ABCB8: variants seen among roughly 807,000 people sequenced by gnomAD.
The protein encoded by ABCB8 is ATP binding cassette subfamily B member 8, also known as mitochondrial potassium channel ATP-binding subunit.
ABCB8 carries 52 observed loss-of-function variants against 73.0 expected under a neutral mutation model. The ratio of observed to expected loss-of-function variants is 0.71; its 90% CI spans 0.57 to 0.90. The LOEUF (loss-of-function observed/expected upper bound fraction) is 0.90. Among genes scored for constraint, ABCB8 ranks in the 40% least tolerant of loss-of-function variants. The pLI, the probability that ABCB8 is intolerant of heterozygous loss-of-function variation, is 0.00. For synonymous variants in ABCB8, 428 were observed against 423.5 expected (o/e 1.01, Z -0.13); for missense variants, 909 against 974.6 (o/e 0.93, Z 0.90).
chr7:151,043,653 C>T (rs1234273790), intron 14 of ABCB8, among the ~76,000 whole-genome samples: 1 of 79,462 alleles, frequency 1.3e-5, no homozygotes, highest in Non-Finnish European at 2.4e-5. Flanking sequence ...GCAGGACGAG[C>T]GTACACAGTG....
intron 1 of ABCB8, chr7:151,031,184 C>T (rs1464540676): frequency 1.8e-6 from 2 of 1,096,342 alleles, no homozygotes; most frequent in Non-Finnish European, 2.7e-6. Flanking sequence ...TGCGGAACAT[C>T]TATTATGTAC....
chr7:151,030,290 C>CA (rs1331831912), intron 1 of ABCB8, among the ~76,000 whole-genome samples: 15 of 148,932 alleles, frequency 1.0e-4, no homozygotes, highest in Middle Eastern at 4.0e-3. Context: ...CCAAGGCAGG[C>CA]GATCACCTGA....
chr7:151,036,395 C>A, intron 8 of ABCB8, 149 bp from the exon 9 acceptor site: 1 of 844,430 alleles, frequency 1.2e-6, no homozygotes, highest in Non-Finnish European at 1.9e-6. Context: ...TGGAGGCGTG[C>A]CCACCCCAAC....
In ABCB8 at chr7:151,037,385, C is replaced by T. The variant is rs138778977; in HGVS notation, c.1217+736C>T. 1.2e-3 allele frequency: 817 copies of T among 700,044 alleles called. 5 individuals carry two copies. In the African/African-American group the frequency reaches 0.013, roughly 11 times the overall value. The allele number at this position is 700,044 out of a possible 1,614,324, so 43.4% of individuals were successfully genotyped here. A position where few individuals can be genotyped will look rare whatever the true frequency, so the allele number is the denominator to read the frequency against. On this transcript the variant is annotated intron_variant, in intron 9 of 15. Coordinates refer to ENST00000358849, the MANE Select transcript of ABCB8 (RefSeq NM_007188.5). Reference sequence around the variant, plus strand: ...AGGGATGACAAGCTGACCCCTGTCCCCACACACCCCACCCTTATAGCTTAT... The same window carrying T: ...AGGGATGACAAGCTGACCCCTGTCCTCACACACCCCACCCTTATAGCTTAT...
Position 151,033,644 on chromosome 7 carries a change from C to T in ABCB8, c.135C>T (p.Ala45=), listed in dbSNP as rs370794187. The T allele has an allele frequency of 1.7e-5, 27 of 1,601,588 alleles. No homozygotes were observed. The highest frequency in any genetic ancestry group is 1.7e-4 in the Middle Eastern group (1 of 6,014). Residue 45 remains alanine (A), a synonymous_variant, in exon 2 of 16, where the codon GCC becomes GCT. Transcript: ENST00000358849. The part of the protein sequence containing the change: ...DGYRSSSLLR[A]VAHLRSQLWA... ...ACCGCAGCTCCTCCCTCCTCCGGGC[C>T]GTGGCCCACCTGCGGTCCCAGCTCT...
rs1300649637 is a variant in ABCB8 at position 151,047,363 on chromosome 7, TGA to T, written c.*2018_*2019del. 3 of 152,242 alleles carry T rather than the reference TGA, an allele frequency of 2.0e-5. No homozygotes were observed. The highest frequency in any genetic ancestry group is 7.2e-5 in the African/African-American group (3 of 41,444). 9.4% of individuals were successfully genotyped at this position (152,242 alleles called of 1,614,324 possible). ...TGTGCTTGATGCTGAATGCCTGTTT[TGA>T]GAGTGTGAGTGGGATCATCTACAGT... is the stretch of plus-strand genomic sequence containing the variant. On this transcript the variant is annotated 3_prime_UTR_variant, in exon 16 of 16. Coordinates refer to ENST00000358849, the MANE Select transcript of ABCB8 (RefSeq NM_007188.5).
chr7:151,034,265 C>G lies in ABCB8; in HGVS notation c.409-8C>G, dbSNP rs781756677. 3.1e-6 allele frequency: 5 copies of G among 1,608,604 alleles called. No homozygotes were observed. The highest frequency in any genetic ancestry group is 1.3e-5 in the African/African-American group (1 of 74,822). On this transcript the variant is annotated splice_polypyrimidine_tract_variant and splice_region_variant and intron_variant, in intron 2 of 15. Coordinates refer to ENST00000358849, the MANE Select transcript of ABCB8 (RefSeq NM_007188.5). ...AAAACATTTGTGCCCTCTGTCTCCC[C>G]ATTCCAGCTGGCCTTGGGTGCGGCA...
At chr7:151,032,565 G>A (rs1294411765) in intron 1 of ABCB8, among the ~76,000 whole-genome samples, 3 of 151,980 alleles carry the variant, frequency 2.0e-5, no homozygotes, top group Admixed American at 6.6e-5. Context: ...GTGGTGGCTC[G>A]TGCCTGTAGT....
At chr7:151,039,437 C>T (rs948549388) in intron 9 of ABCB8, 3 of 152,298 alleles carry the variant, frequency 2.0e-5, no homozygotes, top group African/African-American at 7.2e-5. Flanking sequence ...TCAGTCTTTC[C>T]TCTTACTTAG....
Position 151,045,346 on chromosome 7 carries a change from C to G in ABCB8, c.2154C>G (p.Ser718=). The change falls in exon 16 of 16, where the codon TCC becomes TCG. Residue 718 remains serine (S), a synonymous_variant. Transcript: ENST00000358849. ...PEGPRSHQHK[S] ...GCCCCAGGAGCCACCAGCACAAGTC[C>G]TGAGAAGGGCCCCCTGAGGTGTGGT... The G allele has an allele frequency of 1.3e-6, 2 of 1,561,118 alleles. No homozygotes were observed. The highest frequency in any genetic ancestry group is 1.7e-6 in the Non-Finnish European group (2 of 1,152,422).
intron 14 of ABCB8, among the ~76,000 whole-genome samples, chr7:151,042,458 C>T (rs972505665): frequency 6.6e-6 from 1 of 152,224 alleles, no homozygotes; most frequent in Non-Finnish European, 1.5e-5. Flanking sequence ...GCCGCCACTT[C>T]CCCAGACTGA....
chr7:151,035,744 T>C lies in ABCB8; in HGVS notation c.927+2T>C, dbSNP rs751849010. ...TTGTCTCGCCAGTGTCAGGAGCAGG[T>C]ACCGGCATTCCTGGCCATCCTCTTC... On this transcript the variant is annotated splice_donor_variant, in intron 6 of 15. Transcript: ENST00000358849. LOFTEE classifies it high-confidence loss of function. 2 of 1,612,598 alleles carry C rather than the reference T, an allele frequency of 1.2e-6. No individual in the cohort carries two copies. Among genetic ancestry groups the C allele is most frequent in the Non-Finnish European group, 1.7e-6 (2 of 1,180,004 alleles).
intron 5 of ABCB8, 29 bp downstream of exon 5, chr7:151,034,858 C>CCA: frequency 9.5e-6 from 15 of 1,574,292 alleles, no homozygotes; most frequent in Non-Finnish European, 1.1e-5. Context: ...CCCACCACGT[C>CCA]CACACACACA....
At chr7:151,031,100 A>T in intron 1 of ABCB8, 1 of 574,194 alleles carries the variant, frequency 1.7e-6, no homozygotes, top group Non-Finnish European at 3.1e-6. Context: ...CATTTGCAAA[A>T]CCCTGTAGTA....
At chr7:151,033,185 G>A (rs1289515069) in intron 1 of ABCB8, 2 of 438,900 alleles carry the variant, frequency 4.6e-6, no homozygotes, top group Non-Finnish European at 9.1e-6. Flanking sequence ...CCGGGCACAG[G>A]AGCAGCTCTC....
chr7:151,031,219 G>A, intron 1 of ABCB8: 3 of 1,440,870 alleles, frequency 2.1e-6, no homozygotes, highest in South Asian at 2.4e-5. Flanking sequence ...TGCTGTCTAA[G>A]ATATAATTTC....
chr7:151,043,988 C>T lies in ABCB8; in HGVS notation c.1783C>T (p.Leu595=), dbSNP rs1796544919. 1 of 1,612,392 alleles carries T rather than the reference C, an allele frequency of 6.2e-7. No homozygotes were observed. The highest frequency in any genetic ancestry group is 1.3e-5 in the African/African-American group (1 of 74,896). Residue 595 remains leucine, a synonymous_variant, in exon 15 of 16, where the codon CTG becomes TTG. Transcript: ENST00000358849. ...CTTCCCAGGTGAACGGGGCACTACC[C>T]TGTCTGGGGGCCAGAAGCAGCGCCT... ...NTVVGERGTT[L]SGGQKQRLAI... is the part of the protein sequence containing the mutation.
Position 151,034,300 on chromosome 7 carries a change from G to T in ABCB8, c.436G>T (p.Val146Leu). 6.2e-7 allele frequency: 1 copy of T among 1,613,626 alleles called. No homozygotes were observed. Residue 146 changes from valine (V) to leucine (L), a missense_variant, in exon 3 of 16, where the codon GTA (valine) becomes TTA (leucine). By Grantham distance (32) the Val-to-Leu change is conservative (BLOSUM62 1). Transcript: ENST00000358849. The stretch of plus-strand genomic sequence containing the variant: ...GGCCTTGGGTGCGGCACTCGTGAAT[G>T]TACAGATCCCCCTGCTCCTGGGCCA... ...VLALGAALVNVQIPLLLGQLV... is the reference protein window; with the variant it reads ...VLALGAALVNLQIPLLLGQLV...
chr7:151,032,102 C>T (rs1476199749), intron 1 of ABCB8, among the ~76,000 whole-genome samples: 1 of 152,170 alleles, frequency 6.6e-6, no homozygotes, highest in Non-Finnish European at 1.5e-5. Flanking sequence ...ATTTCTCTCC[C>T]ATCCTTTCTT....
Sources: allele counts gnomAD v4.1 joint callset (sites outside exome capture counted in the v4.1 genomes callset), GRCh38; gene constraint gnomAD v4.1.1; transcripts MANE v1.5; gene names NCBI Gene and HGNC (gene_info 2026-07-23, HGNC 2026-07-21).